Variants in NEIL3 observed in about 807,000 individuals in gnomAD.
NEIL3 encodes the protein nei like DNA glycosylase 3.
Under a neutral mutation model 57.5 loss-of-function variants are expected in NEIL3, and 48 were observed. The observed-to-expected ratio is 0.83, with a 90% CI of 0.66 to 1.06. The LOEUF (loss-of-function observed/expected upper bound fraction) is 1.06, where lower values mean the gene tolerates loss of function less well. Among genes scored for constraint, NEIL3 ranks in the 50% least tolerant of loss-of-function variants. The pLI, the probability that NEIL3 is intolerant of heterozygous loss-of-function variation, is 0.00. For synonymous variants in NEIL3, 261 were observed against 253.2 expected, an observed-to-expected ratio of 1.03 and a Z score of -0.29; for missense variants, 717 against 739.1, an observed-to-expected ratio of 0.97 and a Z score of 0.35.
In NEIL3 at chr4:177,341,559, T is replaced by C. The variant is rs1735092719; in HGVS notation, c.786T>C (p.Thr262=). 2 of 1,613,690 alleles carry C rather than the reference T, an allele frequency of 1.2e-6. No individual in the cohort carries two copies. The highest frequency in any genetic ancestry group is 1.7e-5 in the Admixed American group (1 of 59,988). The change falls in exon 6 of 10, where the codon ACT becomes ACC. Residue 262 remains threonine, a synonymous_variant. Transcript: ENST00000264596. Reference sequence around the variant, plus strand: ...GTGGTCAGTGCCACTGCAGAATAACTGTGTGCCGCTTTGGGGACAATAACA... The same window carrying C: ...GTGGTCAGTGCCACTGCAGAATAACCGTGTGCCGCTTTGGGGACAATAACA... ...PNCGQCHCRI[T]VCRFGDNNRM...
chr4:177,315,520 A>G (rs187671154), intron 1 of NEIL3, among the ~76,000 whole-genome samples: 72 of 152,358 alleles, frequency 4.7e-4, no homozygotes, highest in Non-Finnish European at 7.9e-4. Context: ...ACAATTACGT[A>G]TAGTCATAGC....
rs774380757 is a variant in NEIL3, at chr4:177,336,241, G to T, written c.547G>T (p.Asp183Tyr). ...CCGGATGCTAGGTGATGTGCTAATG[G>T]ATCAGAACGTATTGCCTGGAGTAGG... ...KGRMLGDVLM[D>Y]QNVLPGVGNI... The change falls in exon 4 of 10, where the codon GAT (aspartate) becomes TAT (tyrosine). Residue 183 changes from aspartate to tyrosine, a missense_variant. By Grantham distance (160) the Asp-to-Tyr change is radical. Transcript: ENST00000264596. 11 of 1,614,100 alleles carry T rather than the reference G, an allele frequency of 6.8e-6. No homozygotes were observed. The South Asian group carries it at 9.9e-5, about 14-fold the overall frequency.
downstream of NEIL3, among the ~76,000 whole-genome samples, chr4:177,363,232 G>T (rs944220221): frequency 6.6e-6 from 1 of 152,026 alleles, no homozygotes; most frequent in African/African-American, 2.4e-5. Context: ...CTGTATGCTT[G>T]TAAAAAAAAG....
intron 1 of NEIL3, among the ~76,000 whole-genome samples, chr4:177,319,141 C>T (rs1357674732): frequency 2.6e-5 from 4 of 152,186 alleles, no homozygotes; most frequent in Admixed American, 2.6e-4. Context: ...TCACATGAGA[C>T]ATTTGGGACT....
chr4:177,361,962 G>T (rs988289904), intron 9 of NEIL3, among the ~76,000 whole-genome samples: 1 of 152,068 alleles, frequency 6.6e-6, no homozygotes, highest in African/African-American at 2.4e-5. Context: ...ACCTATAGCA[G>T]GGATATTGGT....
intron 6 of NEIL3, among the ~76,000 whole-genome samples, chr4:177,347,562 G>T (rs998329489): frequency 6.6e-6 from 1 of 152,176 alleles, no homozygotes; most frequent in East Asian, 1.9e-4. Flanking sequence ...GATGATTTGG[G>T]CTGCTGTGTG....
chr4:177,350,894 TA>T (rs1393892566), intron 6 of NEIL3, among the ~76,000 whole-genome samples: 2 of 151,276 alleles, frequency 1.3e-5, no homozygotes, highest in African/African-American at 4.9e-5. Context: ...AATTAGTTGT[TA>T]AAGGGGGGTC....
chr4:177,368,344 C>T, the NEIL3 span, among the ~76,000 whole-genome samples: 10 of 152,152 alleles, frequency 6.6e-5, no homozygotes, highest in African/African-American at 2.4e-4. Context: ...TCTAAAGGTA[C>T]TTATCATTGT....
intron 6 of NEIL3, among the ~76,000 whole-genome samples, chr4:177,346,497 C>T (rs17064666): frequency 0.17 from 26,248 of 152,130 alleles, 2,742 homozygotes; most frequent in Admixed American, 0.29. Flanking sequence ...CTCTCCATCA[C>T]TTCCCATCTT....
At position 177,341,780 on chromosome 4, in the gene NEIL3, A is replaced by G. The variant is rs34284049; in HGVS notation, c.869+138A>G. 3.3e-3 allele frequency: 2,439 copies of G among 738,124 alleles called. 40 individuals are homozygous for G. In the African/African-American group the frequency reaches 0.037, roughly 11 times the overall value. The allele number at this position is 738,124 out of a possible 1,614,324, so 45.7% of individuals were successfully genotyped here. ...CAAAAGTATTTTAGTCCTTGAAAGG[A>G]AATAGTAAATAATGTCACCAAAGAA... On this transcript the variant is annotated intron_variant, in intron 6 of 9. Transcript: ENST00000264596.
At chr4:177,332,891 C>T (rs765564185) in intron 2 of NEIL3, among the ~76,000 whole-genome samples, 1 of 152,056 alleles carries the variant, frequency 6.6e-6, no homozygotes, top group Non-Finnish European at 1.5e-5. Flanking sequence ...TACCTGGTTG[C>T]GTTGCAATCT....
At chr4:177,370,752 C>T in the NEIL3 span, among the ~76,000 whole-genome samples, 1 of 151,854 alleles carries the variant, frequency 6.6e-6, no homozygotes, top group Non-Finnish European at 1.5e-5. Context: ...AATACAAAAA[C>T]TAGTCTGGTG....
At chr4:177,359,186 C>A (rs1359557519) in intron 8 of NEIL3, among the ~76,000 whole-genome samples, 1 of 152,146 alleles carries the variant, frequency 6.6e-6, no homozygotes, top group African/African-American at 2.4e-5. Flanking sequence ...CAGCCACCAC[C>A]CCTCTACCCT....
At chr4:177,362,143 C>T (rs1042892228) in intron 9 of NEIL3, 146 bp from the exon 10 acceptor site, 10 of 475,480 alleles carry the variant, frequency 2.1e-5, no homozygotes, top group South Asian at 1.7e-4. Context: ...TTAAAGGCGA[C>T]GACTAATTAC....
intron 8 of NEIL3, among the ~76,000 whole-genome samples, chr4:177,355,031 C>G (rs1334005042): frequency 1.3e-5 from 2 of 152,156 alleles, no homozygotes; most frequent in African/African-American, 4.8e-5. Flanking sequence ...CTCCTTCCCC[C>G]TTTATCTGGC....
chr4:177,331,855 C>A (rs1425133549), intron 2 of NEIL3, among the ~76,000 whole-genome samples: 1 of 152,158 alleles, frequency 6.6e-6, no homozygotes, highest in African/African-American at 2.4e-5. Flanking sequence ...TTCAGTGCAC[C>A]AACAACTTCA....
chr4:177,358,287 G>A (rs931439235), intron 8 of NEIL3, among the ~76,000 whole-genome samples: 1 of 151,988 alleles, frequency 6.6e-6, no homozygotes, highest in African/African-American at 2.4e-5. Context: ...ATCACACGTG[G>A]CTATGTTTTT....
intron 6 of NEIL3, among the ~76,000 whole-genome samples, chr4:177,342,109 A>G (rs983340581): frequency 6.6e-6 from 1 of 152,256 alleles, no homozygotes; most frequent in African/African-American, 2.4e-5. Flanking sequence ...CCAATGATAC[A>G]TTCCAGAACT....
chr4:177,367,115 A>G (rs1560926009), downstream of NEIL3, among the ~76,000 whole-genome samples: 1 of 152,134 alleles, frequency 6.6e-6, no homozygotes, highest in Non-Finnish European at 1.5e-5. Context: ...TAAAATTGAG[A>G]TAATCCCCAA....
Sources: allele counts gnomAD v4.1 joint callset (sites outside exome capture counted in the v4.1 genomes callset), GRCh38; gene constraint gnomAD v4.1.1; transcripts MANE v1.5; gene names NCBI Gene and HGNC (gene_info 2026-07-23, HGNC 2026-07-21).